ADGRV1: variants seen among roughly 807,000 people sequenced by gnomAD.
The protein encoded by ADGRV1 is adhesion G protein-coupled receptor V1.
ADGRV1 carries 359 observed loss-of-function variants against 596.2 expected under a neutral mutation model. The ratio of observed to expected loss-of-function variants is 0.60; its 90% CI spans 0.55 to 0.66. The LOEUF is 0.66. ADGRV1 is among the 30% of genes least tolerant of loss of function. The probability of loss-of-function intolerance (pLI) is 0.00; values close to 1 mark genes in which losing one functional copy is unlikely to be tolerated. For missense variants in ADGRV1, 7,274 were observed against 7,575.6 expected (o/e 0.96, Z 1.48); for synonymous variants, 2,681 against 2,679.2 (o/e 1.00, Z -0.02).
intron 3 of ADGRV1, among the ~76,000 whole-genome samples, 181 bp from the exon 4 acceptor site, chr5:90,618,905 A>T (rs751316421): frequency 9.2e-5 from 14 of 152,114 alleles, no homozygotes; most frequent in African/African-American, 3.4e-4. Context: ...AAAATTTTTC[A>T]TTTGGAACTT....
chr5:91,159,260 T>C (rs1331567431), intron 89 of ADGRV1, among the ~76,000 whole-genome samples: 1 of 152,212 alleles, frequency 6.6e-6, no homozygotes, highest in Non-Finnish European at 1.5e-5. Flanking sequence ...ATCACTTCTT[T>C]ACAAGCATTT....
chr5:91,099,633 C>A (rs187745594), intron 86 of ADGRV1, among the ~76,000 whole-genome samples: 2 of 151,980 alleles, frequency 1.3e-5, no homozygotes, highest in Non-Finnish European at 2.9e-5. Flanking sequence ...TAGCGGGGTG[C>A]GGTGGCTCAC....
intron 52 of ADGRV1, among the ~76,000 whole-genome samples, chr5:90,747,796 T>C (rs1317520834): frequency 6.6e-6 from 1 of 152,292 alleles, no homozygotes; most frequent in Admixed American, 6.5e-5. Context: ...TCTCCTGAAA[T>C]TCCAGTTCCC....
At chr5:90,672,783 G>T (rs1580687661) in intron 22 of ADGRV1, 61 bp downstream of exon 22, 1 of 1,260,672 alleles carries the variant, frequency 7.9e-7, no homozygotes, top group East Asian at 2.4e-5. Context: ...TGAAGTGTTT[G>T]TTCTGTAATT....
intron 73 of ADGRV1, 65 bp from the exon 74 acceptor site, chr5:90,810,168 A>C: frequency 7.9e-7 from 1 of 1,265,208 alleles, no homozygotes; most frequent in Non-Finnish European, 1.1e-6. Context: ...TGAATGATGA[A>C]TCTCTACAGT....
rs147998709 is a variant in ADGRV1 at position 90,711,083 on chromosome 5, C to T, written c.8903+24C>T. The T allele has an allele frequency of 1.2e-3, 1,959 of 1,585,790 alleles. 2 individuals are homozygous for T. The highest frequency in any genetic ancestry group is 1.5e-3 in the Non-Finnish European group (1,738 of 1,160,560). ...AGGTAAGGCCAAGGCTGCATGAGAG[C>T]CCTCTTCTGGGTTTCATATTATTTA... is the stretch of plus-strand genomic sequence containing the variant. On this transcript the variant is annotated intron_variant, in intron 40 of 89. Transcript: ENST00000405460.
At position 91,100,849 on chromosome 5, in the gene ADGRV1, A is replaced by G. The variant is rs1016847274; in HGVS notation, c.18311-1370A>G. On this transcript the variant is annotated intron_variant, in intron 86 of 89. Coordinates refer to ENST00000405460, the MANE Select transcript of ADGRV1 (RefSeq NM_032119.4). ...CTTCTGTGATTTCTAACGGCTTATA[A>G]TCTAAATCTAATCACGAGAAAAATC... Among the ~76,000 whole-genome samples, 6 of 152,200 alleles carry G rather than the reference A, an allele frequency of 3.9e-5. No homozygotes were observed. The South Asian group carries it at 1.0e-3, about 26-fold the overall frequency.
intron 83 of ADGRV1, among the ~76,000 whole-genome samples, chr5:90,902,410 T>G (rs771917403): frequency 9.9e-5 from 15 of 152,162 alleles, no homozygotes; most frequent in Admixed American, 1.3e-4. Context: ...TTTGTTCAGT[T>G]GGAAGGAAGG....
intron 61 of ADGRV1, among the ~76,000 whole-genome samples, chr5:90,776,898 G>A (rs1036140155): frequency 2.0e-5 from 3 of 152,124 alleles, no homozygotes; most frequent in African/African-American, 7.2e-5. Context: ...ATATAAGGGA[G>A]TTATTTCATC....
rs2149767154 is a variant in ADGRV1 at position 90,720,145 on chromosome 5, T to C, written c.9545T>C (p.Val3182Ala). 1 of 1,613,154 alleles carries C rather than the reference T, an allele frequency of 6.2e-7. No homozygotes were observed. The highest frequency in any genetic ancestry group is 8.5e-7 in the Non-Finnish European group (1 of 1,179,430). ...FNPTGGARLG[V>A]HVQTLITVLQ... Reference sequence around the variant, plus strand: ...CCAACTGGAGGTGCTAGACTAGGGGTGCATGTTCAAACCCTGATAACAGTT... The same window carrying C: ...CCAACTGGAGGTGCTAGACTAGGGGCGCATGTTCAAACCCTGATAACAGTT... Residue 3182 changes from valine to alanine, a missense_variant, in exon 44 of 90, where the codon GTG becomes GCG. Around this residue, in one of 5 missense-constraint regions of ADGRV1, gnomAD observed 3,643 missense variants for 3,809.2 expected, o/e 0.96. Transcript: ENST00000405460.
At chr5:90,943,213 C>T (rs895639013) in intron 83 of ADGRV1, among the ~76,000 whole-genome samples, 4 of 112,494 alleles carry the variant, frequency 3.6e-5, no homozygotes, top group South Asian at 2.9e-4. Flanking sequence ...CTTGTAATTG[C>T]TCAGAAAATT....
chr5:91,014,857 GT>G (rs70973721), intron 85 of ADGRV1, among the ~76,000 whole-genome samples: 151,898 of 151,906 alleles, frequency 1, 75,945 homozygotes, highest in Non-Finnish European at 1. Context: ...CTTTCGAATG[GT>G]TTTTTTGTGT....
intron 75 of ADGRV1, among the ~76,000 whole-genome samples, chr5:90,823,112 G>T (rs895841898): frequency 6.6e-6 from 1 of 152,162 alleles, no homozygotes; most frequent in Non-Finnish European, 1.5e-5. Context: ...CTAATTGGAT[G>T]CCCTTTATTT....
rs375485376 is a variant in ADGRV1, at chr5:90,790,979, A to G, written c.14150A>G (p.His4717Arg). 5.6e-6 allele frequency: 9 copies of G among 1,613,544 alleles called. No individual in the cohort carries two copies. The African/African-American group carries it at 1.2e-4, about 22-fold the overall frequency. Residue 4717 changes from histidine (H) to arginine (R), a missense_variant, in exon 70 of 90, where the codon CAT becomes CGT. This residue lies in a region of ADGRV1 where 1,874 missense variants were observed against 1,970.2 expected (regional missense o/e 0.95). Transcript: ENST00000405460. ...GAGAGTGAAGCTAGCTTTGATGTTC[A>G]TTTGCTACCAGATGAGGTACCTGAG... Reference protein sequence around the residue: ...DGESEASFDVHLLPDEVPEIE... With the variant: ...DGESEASFDVRLLPDEVPEIE...
At chr5:90,835,279 G>A (rs768594220) in intron 77 of ADGRV1, among the ~76,000 whole-genome samples, 3 of 152,234 alleles carry the variant, frequency 2.0e-5, no homozygotes, top group Non-Finnish European at 4.4e-5. Context: ...CAGTAATGCT[G>A]TTGCTCTTGC....
At chr5:90,881,902 T>C (rs1434367278) in intron 83 of ADGRV1, among the ~76,000 whole-genome samples, 6 of 152,046 alleles carry the variant, frequency 3.9e-5, no homozygotes, top group African/African-American at 1.4e-4. Context: ...TGGAGATATG[T>C]CTTGCTTTGT....
intron 85 of ADGRV1, among the ~76,000 whole-genome samples, chr5:90,999,877 A>G (rs765405367): frequency 6.6e-6 from 1 of 152,138 alleles, no homozygotes; most frequent in Non-Finnish European, 1.5e-5. Context: ...ACTTCATACA[A>G]TTTAAGAAAA....
At chr5:90,909,645 C>G (rs563391205) in intron 83 of ADGRV1, among the ~76,000 whole-genome samples, 1 of 136,646 alleles carries the variant, frequency 7.3e-6, no homozygotes, top group South Asian at 2.3e-4. Flanking sequence ...GAGAGAGAGA[C>G]AGAGAGAGAG....
intron 4 of ADGRV1, among the ~76,000 whole-genome samples, chr5:90,620,188 A>C (rs1180489960): frequency 6.6e-6 from 1 of 152,108 alleles, no homozygotes; most frequent in Non-Finnish European, 1.5e-5. Context: ...TGACTTCCAC[A>C]ATGGTTGAAC....
Sources: allele counts gnomAD v4.1 joint callset (sites outside exome capture counted in the v4.1 genomes callset), GRCh38; gene constraint gnomAD v4.1.1; regional missense constraint gnomAD v4.1.1; transcripts MANE v1.5; gene names NCBI Gene and HGNC (gene_info 2026-07-23, HGNC 2026-07-21).